Variants in ADAMTS17 observed in about 807,000 individuals in gnomAD.
ADAMTS17 encodes A disintegrin and metalloproteinase with thrombospondin motifs 17.
In ADAMTS17, 113 loss-of-function variants were observed where a neutral mutation model predicts 141.5. That is an observed-to-expected ratio of 0.80 (90% CI 0.69 to 0.93). The LOEUF is 0.93. Among genes scored for constraint, ADAMTS17 ranks in the 40% least tolerant of loss-of-function variants. ADAMTS17 has a pLI of 0.00. For missense variants in ADAMTS17, 1,659 were observed against 1,517.9 expected (o/e 1.09, Z -1.54); for synonymous variants, 768 against 630.6 (o/e 1.22, Z -3.27).
At chr15:100,079,304 C>G (rs2034580258) in intron 15 of ADAMTS17, among the ~76,000 whole-genome samples, 1 of 152,158 alleles carries the variant, frequency 6.6e-6, no homozygotes, top group Non-Finnish European at 1.5e-5. Flanking sequence ...AATCCAAATA[C>G]CAATCAACCA....
chr15:99,976,222 A>G lies in ADAMTS17; in HGVS notation c.2950T>C (p.Cys984Arg). The change falls in exon 21 of 22, where the codon TGC becomes CGC. Residue 984 changes from cysteine to arginine, a missense_variant and splice_region_variant. By Grantham distance (180) the Cys-to-Arg change is radical. Transcript: ENST00000268070. ...YEWKTGDWST[C>R]SSTCGKGLQS... ...AGGCCCTTCCCGCAGGTCGACGAGC[A>G]CTGCAGAGACAGGACAGCCTGAGTG... The G allele has an allele frequency of 1.9e-6, 3 of 1,544,894 alleles. No individual in the cohort carries two copies. The highest frequency in any genetic ancestry group is 2.6e-6 in the Non-Finnish European group (3 of 1,146,952).
chr15:100,234,002 T>C (rs1232443395), intron 7 of ADAMTS17, among the ~76,000 whole-genome samples: 1 of 152,140 alleles, frequency 6.6e-6, no homozygotes, highest in Non-Finnish European at 1.5e-5. Flanking sequence ...CCACAGGATC[T>C]GGTTTGGGGC....
chr15:100,254,332 C>A (rs1460088075), intron 6 of ADAMTS17, among the ~76,000 whole-genome samples, 153 bp from the exon 7 acceptor site: 1 of 152,184 alleles, frequency 6.6e-6, no homozygotes, highest in Non-Finnish European at 1.5e-5. Context: ...CAGCGTTTGG[C>A]AACAGTAATC....
chr15:100,268,722 G>T (rs1170028593), intron 4 of ADAMTS17, among the ~76,000 whole-genome samples: 3 of 152,154 alleles, frequency 2.0e-5, no homozygotes, highest in Non-Finnish European at 4.4e-5. Context: ...CTCCCATCCT[G>T]TAGCTTGTAT....
At chr15:100,334,137 G>C (rs564450790) in intron 2 of ADAMTS17, among the ~76,000 whole-genome samples, 2 of 152,204 alleles carry the variant, frequency 1.3e-5, no homozygotes, top group Non-Finnish European at 2.9e-5. Flanking sequence ...ATCAGGCATT[G>C]TTCACGCCAC....
intron 7 of ADAMTS17, among the ~76,000 whole-genome samples, chr15:100,206,703 C>T (rs6598310): frequency 0.23 from 34,454 of 152,004 alleles, 4,589 homozygotes; most frequent in African/African-American, 0.38. Flanking sequence ...ATGTGGGGAA[C>T]GGGACAACTA....
intron 3 of ADAMTS17, among the ~76,000 whole-genome samples, chr15:100,301,965 C>T (rs536647990): frequency 7.4e-4 from 112 of 152,268 alleles, no homozygotes; most frequent in African/African-American, 2.6e-3. Flanking sequence ...TTAGCATATA[C>T]AGTTGTTTTC....
chr15:100,150,076 C>G (rs528641914), intron 10 of ADAMTS17, among the ~76,000 whole-genome samples: 2 of 152,120 alleles, frequency 1.3e-5, no homozygotes, highest in African/African-American at 4.8e-5. Context: ...GTGAAACTCT[C>G]GAGGCAAAAG....
chr15:100,094,338 C>T (rs550829863), intron 15 of ADAMTS17, among the ~76,000 whole-genome samples: 45 of 152,334 alleles, frequency 3.0e-4, no homozygotes, highest in Middle Eastern at 6.8e-3. Context: ...AGGGGTCTGA[C>T]CTCACATTCC....
chr15:100,095,218 C>T (rs1477964467), intron 15 of ADAMTS17, among the ~76,000 whole-genome samples: 5 of 152,198 alleles, frequency 3.3e-5, no homozygotes, highest in African/African-American at 7.2e-5. Context: ...CACTAAGCTC[C>T]GTGCCTCACT....
chr15:100,312,857 T>C (rs950948516), intron 3 of ADAMTS17, among the ~76,000 whole-genome samples: 1 of 152,150 alleles, frequency 6.6e-6, no homozygotes, highest in Non-Finnish European at 1.5e-5. Context: ...GGATGTGCAA[T>C]CTAGGGTGAC....
intron 18 of ADAMTS17, among the ~76,000 whole-genome samples, chr15:100,002,842 G>C (rs957519620): frequency 6.6e-6 from 1 of 151,900 alleles, no homozygotes. Flanking sequence ...CCTTCCTGCT[G>C]TCCAGCCCTT....
intron 3 of ADAMTS17, among the ~76,000 whole-genome samples, chr15:100,295,685 C>T (rs986945798): frequency 2.6e-5 from 4 of 152,202 alleles, no homozygotes; most frequent in Non-Finnish European, 5.9e-5. Flanking sequence ...GTTATATCAG[C>T]TTCCCTCTTT....
At chr15:100,293,214 G>T (rs1303569204) in intron 3 of ADAMTS17, among the ~76,000 whole-genome samples, 1 of 152,140 alleles carries the variant, frequency 6.6e-6, no homozygotes. Flanking sequence ...TGGGAGTGGG[G>T]GGAACAGAAC....
chr15:100,026,032 G>C (rs971572227), intron 18 of ADAMTS17, among the ~76,000 whole-genome samples: 10 of 152,096 alleles, frequency 6.6e-5, no homozygotes, highest in African/African-American at 1.9e-4. Flanking sequence ...ATCAAGAAAA[G>C]GAACATTACC....
At chr15:100,197,522 T>C (rs577599835) in intron 8 of ADAMTS17, among the ~76,000 whole-genome samples, 2 of 152,178 alleles carry the variant, frequency 1.3e-5, no homozygotes, top group Non-Finnish European at 2.9e-5. Flanking sequence ...CTCAGAGGTA[T>C]TAATACAAAT....
At position 100,228,068 on chromosome 15, in the gene ADAMTS17, T is replaced by C. The variant is rs374998334; in HGVS notation, c.1075+26068A>G. 8.5e-5 allele frequency among the ~76,000 whole-genome samples: 13 copies of C among 152,212 alleles called. No homozygotes were observed. In the East Asian group the frequency reaches 1.2e-3, roughly 14 times the overall value. ...AGGCCCTGCAGATACAGCCCTGCCT[T>C]ATTTCTCACTACTGGGCCTCCTTCA... On this transcript the variant is annotated intron_variant, in intron 7 of 21. Coordinates refer to ENST00000268070, the MANE Select transcript of ADAMTS17 (RefSeq NM_139057.4).
At position 99,992,931 on chromosome 15, in the gene ADAMTS17, T is replaced by C. The variant is rs574457457; in HGVS notation, c.2949+117A>G. On this transcript the variant is annotated intron_variant, in intron 20 of 21. Coordinates refer to ENST00000268070, the MANE Select transcript of ADAMTS17 (RefSeq NM_139057.4). ...GCAGCGGGTGGAAGGAAAATGAATT[T>C]GCCTAGTTACGCTGGGACTGCCGCG... 165 of 1,302,952 alleles carry C rather than the reference T, an allele frequency of 1.3e-4. No homozygotes were observed. The Middle Eastern group carries it at 3.5e-3, about 28-fold the overall frequency. 80.7% of individuals were successfully genotyped at this position (1,302,952 alleles called of 1,614,324 possible).
At chr15:100,162,323 T>C (rs1460211253) in intron 8 of ADAMTS17, among the ~76,000 whole-genome samples, 1 of 150,272 alleles carries the variant, frequency 6.7e-6, no homozygotes, top group Non-Finnish European at 1.5e-5. Context: ...TACATGTAAG[T>C]GTAGGTATAT....
Sources: gnomAD v4.1 joint callset for allele counts (sites outside exome capture counted in the v4.1 genomes callset) on GRCh38, gnomAD v4.1.1 for gene constraint, MANE v1.5 for transcripts, NCBI Gene and HGNC (gene_info 2026-07-23, HGNC 2026-07-21) for gene names.